MBNL3: variants seen among roughly 807,000 people sequenced by gnomAD.
The protein encoded by MBNL3 is muscleblind like splicing regulator 3.
Under a neutral mutation model 24.5 loss-of-function variants are expected in MBNL3, and 6 were observed. The ratio of observed to expected loss-of-function variants is 0.25; its 90% CI spans 0.13 to 0.48. The LOEUF is 0.48. Among genes scored for constraint, MBNL3 ranks in the 20% least tolerant of loss-of-function variants. The pLI, the probability that MBNL3 is intolerant of heterozygous loss-of-function variation, is 0.99. For missense variants in MBNL3, 230 were observed against 293.5 expected (o/e 0.78, Z 1.58); for synonymous variants, 100 against 101.7 (o/e 0.98, Z 0.10).
At chrX:132,473,194 A>G (rs1461488638) in intron 1 of MBNL3, among the ~76,000 whole-genome samples, 1 of 111,967 alleles carries the variant, frequency 8.9e-6, no homozygotes, top group Non-Finnish European at 1.9e-5. Context: ...ATTATTTCAG[A>G]ATTTAAACCT....
intron 1 of MBNL3, among the ~76,000 whole-genome samples, chrX:132,451,018 G>A (rs1160698368): frequency 8.9e-6 from 1 of 112,308 alleles, no homozygotes; most frequent in African/African-American, 3.2e-5. Context: ...ACCAAAGATT[G>A]CTGCCTACTC....
chrX:132,464,673 C>A (rs1325181808), intron 1 of MBNL3, among the ~76,000 whole-genome samples: 13 of 111,890 alleles, frequency 1.2e-4, no homozygotes, highest in African/African-American at 3.9e-4. Context: ...AAAGATGTAA[C>A]CACACAAAAG....
At chrX:132,387,000 C>T (rs954309776) in intron 5 of MBNL3, among the ~76,000 whole-genome samples, 189 bp from the exon 6 acceptor site, 13 of 111,245 alleles carry the variant, frequency 1.2e-4, no homozygotes, top group Non-Finnish European at 1.7e-4. Context: ...CAGCCGTGTA[C>T]AGTGGCTCAC....
chrX:132,394,493 T>C (rs1420321247), intron 3 of MBNL3, among the ~76,000 whole-genome samples: 1 of 112,070 alleles, frequency 8.9e-6, no homozygotes, highest in Non-Finnish European at 1.9e-5. Context: ...TTCACTTGAC[T>C]TTTCGTTGTC....
At position 132,391,036 on chromosome X, in the gene MBNL3, A is replaced by G. The variant is rs1937089418; in HGVS notation, c.582T>C (p.Asp194=). Residue 194 remains aspartate (D), a synonymous_variant, in exon 5 of 9, where the codon GAT becomes GAC. Coordinates refer to ENST00000370853, the MANE Select transcript of MBNL3 (RefSeq NM_001386889.1). Reference sequence around the variant, plus strand: ...CATCAGTAGGGTGAGCATAGCGGCAATCATTCTCCCCACGGGTACAATTTC... The same window carrying G: ...CATCAGTAGGGTGAGCATAGCGGCAGTCATTCTCCCCACGGGTACAATTTC... ...QRGNCTRGEN[D]CRYAHPTDAS... The G allele has an allele frequency of 8.3e-7, 1 of 1,211,589 alleles. No individual in the cohort carries two copies. The highest frequency in any genetic ancestry group is 3.0e-5 in the East Asian group (1 of 33,835).
intron 1 of MBNL3, among the ~76,000 whole-genome samples, chrX:132,484,644 T>C (rs1947905943): frequency 9.0e-6 from 1 of 111,639 alleles, no homozygotes; most frequent in African/African-American, 3.3e-5. Context: ...AGAGATCAAA[T>C]GACCTCTAGT....
In MBNL3 at chrX:132,449,807, A is replaced by G. The variant is rs368606803; in HGVS notation, c.-703-9493T>C. 1.9e-4 allele frequency among the ~76,000 whole-genome samples: 21 copies of G among 109,915 alleles called. No homozygotes were observed. In the East Asian group the frequency reaches 6.0e-3, roughly 32 times the overall value. On this transcript the variant is annotated intron_variant, in intron 1 of 8. Coordinates refer to ENST00000370853, the MANE Select transcript of MBNL3 (RefSeq NM_001386889.1). ...GCTGGTACCGGTTTTTCCTTTCCAT[A>G]TTTTAGTGCTTCCTTCAGGAGCTCT...
At chrX:132,489,634 C>T (rs1017552439), upstream of MBNL3, among the ~76,000 whole-genome samples, 1 of 111,684 alleles carries the variant, frequency 9.0e-6, no homozygotes, top group Non-Finnish European at 1.9e-5. Flanking sequence ...ACAGACGCGG[C>T]ACGCGGAGGG....
chrX:132,468,459 C>T (rs1302705032), intron 1 of MBNL3, among the ~76,000 whole-genome samples: 2 of 112,514 alleles, frequency 1.8e-5, no homozygotes, highest in African/African-American at 6.5e-5. Flanking sequence ...TGTCATTTAA[C>T]GGTGAGTGTG....
intron 4 of MBNL3, 116 bp from the exon 5 acceptor site, chrX:132,391,199 T>C (rs1411041139): frequency 6.0e-6 from 3 of 496,032 alleles, no homozygotes; most frequent in Middle Eastern, 5.8e-4. Flanking sequence ...GAATATATTA[T>C]GTGTGAACAA....
At chrX:132,420,318 G>A (rs1250742565) in intron 2 of MBNL3, among the ~76,000 whole-genome samples, 3 of 112,011 alleles carry the variant, frequency 2.7e-5, no homozygotes, top group African/African-American at 9.8e-5. Flanking sequence ...CGGATCTGGA[G>A]GGGTGGAAGT....
chrX:132,481,561 A>G (rs1049166292), intron 1 of MBNL3, among the ~76,000 whole-genome samples: 5 of 111,976 alleles, frequency 4.5e-5, no homozygotes, highest in African/African-American at 1.6e-4. Flanking sequence ...CATCATTGTC[A>G]TCCCACAAAA....
intron 1 of MBNL3, among the ~76,000 whole-genome samples, chrX:132,442,713 T>A (rs1569452634): frequency 8.8e-6 from 1 of 113,107 alleles, no homozygotes; most frequent in Non-Finnish European, 1.9e-5. Context: ...CTTCTGGCCA[T>A]GCATTTTATT....
chrX:132,486,105 T>C (rs1947994922), intron 1 of MBNL3, among the ~76,000 whole-genome samples: 1 of 112,382 alleles, frequency 8.9e-6, no homozygotes, highest in South Asian at 3.7e-4. Flanking sequence ...CTGTCAGCTA[T>C]GCCCCAATCC....
At chrX:132,387,111 A>AAAAT (rs1936194358) in intron 5 of MBNL3, among the ~76,000 whole-genome samples, 1 of 108,356 alleles carries the variant, frequency 9.2e-6, no homozygotes, top group Admixed American at 9.9e-5. Flanking sequence ...CATCTCTGAA[A>AAAAT]AAATAGAAAA....
chrX:132,457,063 T>G (rs1380060240), intron 1 of MBNL3, among the ~76,000 whole-genome samples: 2 of 111,546 alleles, frequency 1.8e-5, no homozygotes, highest in Non-Finnish European at 3.8e-5. Context: ...GAACCAAGAT[T>G]TGGAAATTAT....
intron 1 of MBNL3, among the ~76,000 whole-genome samples, chrX:132,444,833 T>G (rs750388931): frequency 3.2e-4 from 36 of 111,322 alleles, no homozygotes; most frequent in African/African-American, 1.2e-3. Flanking sequence ...GAATTCACAT[T>G]CTCATGGAAG....
Position 132,473,631 on chromosome X carries a change from C to CA in MBNL3, c.-704+15219dup, listed in dbSNP as rs947887103. Among the ~76,000 whole-genome samples, 26 of 109,899 alleles carry CA rather than the reference C, an allele frequency of 2.4e-4. No individual in the cohort carries two copies. In the South Asian group the frequency reaches 3.8e-3, roughly 16 times the overall value. On this transcript the variant is annotated intron_variant, in intron 1 of 8. Coordinates refer to ENST00000370853, the MANE Select transcript of MBNL3 (RefSeq NM_001386889.1). The stretch of plus-strand genomic sequence containing the variant: ...ACACACGCACACACACACACGCACA[C>CA]AAAAAAAACCCATATGTATACATAT...
At chrX:132,395,910 T>C (rs763308599) in intron 3 of MBNL3, among the ~76,000 whole-genome samples, 1 of 111,226 alleles carries the variant, frequency 9.0e-6, no homozygotes, top group Non-Finnish European at 1.9e-5. Context: ...TGGTTAAGAA[T>C]CTCTGTTCTA....
Sources: allele counts gnomAD v4.1 joint callset (sites outside exome capture counted in the v4.1 genomes callset), GRCh38; gene constraint gnomAD v4.1.1; transcripts MANE v1.5; gene names NCBI Gene and HGNC (gene_info 2026-07-23, HGNC 2026-07-21).